WDFY1: variants seen among roughly 807,000 people sequenced by gnomAD.
The protein encoded by WDFY1 is WD repeat and FYVE domain containing 1.
WDFY1 carries 32 observed loss-of-function variants against 56.4 expected under a neutral mutation model. That is an observed-to-expected ratio of 0.57 (90% CI 0.43 to 0.76). The LOEUF (loss-of-function observed/expected upper bound fraction) is 0.76. WDFY1 is among the 30% of genes least tolerant of loss of function. The pLI, the probability that WDFY1 is intolerant of heterozygous loss-of-function variation, is 0.00. For missense variants in WDFY1, 480 were observed against 545.7 expected (o/e 0.88, Z 1.20); for synonymous variants, 192 against 197.3 (o/e 0.97, Z 0.23).
At chr2:223,904,547 C>G (rs1391964493) in intron 4 of WDFY1, among the ~76,000 whole-genome samples, 1 of 152,164 alleles carries the variant, frequency 6.6e-6, no homozygotes, top group African/African-American at 2.4e-5. Flanking sequence ...GTCACCGTGC[C>G]TGGATGCTTT....
intron 1 of WDFY1, among the ~76,000 whole-genome samples, chr2:223,937,866 T>C (rs1689225915): frequency 6.6e-6 from 1 of 152,214 alleles, no homozygotes; most frequent in Non-Finnish European, 1.5e-5. Context: ...TATTAACTAA[T>C]GAATTCCAGC....
rs1434985662 is a variant in WDFY1, at chr2:223,884,551, T to C, written c.933+97A>G. The stretch of plus-strand genomic sequence containing the variant: ...AGAAAATGTAGGAATTAATAGCATT[T>C]GCAAAAACAAAGTGTGTTTCAAAAA... On this transcript the variant is annotated intron_variant, in intron 9 of 11. Coordinates refer to ENST00000233055, the MANE Select transcript of WDFY1 (RefSeq NM_020830.5). The C allele has an allele frequency of 4.4e-6, 5 of 1,145,576 alleles. No homozygotes were observed. The South Asian group carries it at 5.1e-5, about 12-fold the overall frequency. The allele number at this position is 1,145,576 out of a possible 1,614,324, so 71.0% of individuals were successfully genotyped here.
chr2:223,921,046 G>C lies in WDFY1; in HGVS notation c.138-3036C>G, dbSNP rs542866027. On this transcript the variant is annotated intron_variant, in intron 1 of 11. Coordinates refer to ENST00000233055, the MANE Select transcript of WDFY1 (RefSeq NM_020830.5). Reference sequence around the variant, plus strand: ...GACAATCAGAATAGTGGTTGCTTCTGGGGTAAGAGGAGGACTGAATGCAAT... The same window carrying C: ...GACAATCAGAATAGTGGTTGCTTCTCGGGTAAGAGGAGGACTGAATGCAAT... 1.9e-3 allele frequency among the ~76,000 whole-genome samples: 291 copies of C among 152,234 alleles called. 1 individual carries two copies. Among genetic ancestry groups the C allele is most frequent in the African/African-American group, 6.8e-3 (281 of 41,538 alleles).
chr2:223,942,450 C>T (rs1377698470), intron 1 of WDFY1, among the ~76,000 whole-genome samples: 1 of 151,404 alleles, frequency 6.6e-6, no homozygotes, highest in Non-Finnish European at 1.5e-5. Flanking sequence ...GACCTCCTGA[C>T]CTTGTTATCC....
chr2:223,903,947 CT>C (rs1207430965), intron 4 of WDFY1, among the ~76,000 whole-genome samples: 3 of 152,142 alleles, frequency 2.0e-5, no homozygotes, highest in African/African-American at 7.2e-5. Context: ...AGGAATTTGC[CT>C]TTTGACAAAA....
chr2:223,931,426 T>C (rs1466989332), intron 1 of WDFY1, among the ~76,000 whole-genome samples: 1 of 152,246 alleles, frequency 6.6e-6, no homozygotes, highest in African/African-American at 2.4e-5. Context: ...AGATTAATCT[T>C]TGATCTGCTG....
chr2:223,902,456 T>G (rs977520060), intron 4 of WDFY1, among the ~76,000 whole-genome samples: 12 of 152,156 alleles, frequency 7.9e-5, no homozygotes, highest in Non-Finnish European at 1.8e-4. Context: ...TCCTAGCTAC[T>G]CAGCAGGCTG....
intron 1 of WDFY1, among the ~76,000 whole-genome samples, chr2:223,938,295 A>G (rs1169262345): frequency 6.6e-6 from 1 of 152,180 alleles, no homozygotes; most frequent in Non-Finnish European, 1.5e-5. Flanking sequence ...TAACTTATTT[A>G]TAAGGCTTTA....
chr2:223,897,204 C>T (rs1017881415), intron 6 of WDFY1, among the ~76,000 whole-genome samples: 1 of 151,772 alleles, frequency 6.6e-6, no homozygotes, highest in Non-Finnish European at 1.5e-5. Flanking sequence ...CTTTCAGCAA[C>T]TCCCCAGTTC....
chr2:223,929,484 A>G (rs1694040907), intron 1 of WDFY1, among the ~76,000 whole-genome samples: 1 of 151,988 alleles, frequency 6.6e-6, no homozygotes, highest in Admixed American at 6.6e-5. Context: ...CACCGTGCCC[A>G]GCCTCCTGCT....
At chr2:223,885,209 G>A (rs1412430584) in intron 8 of WDFY1, among the ~76,000 whole-genome samples, 3 of 150,878 alleles carry the variant, frequency 2.0e-5, no homozygotes, top group Non-Finnish European at 4.4e-5. Flanking sequence ...GGTCTTTTTT[G>A]AGACAGGGTC....
intron 1 of WDFY1, among the ~76,000 whole-genome samples, chr2:223,932,172 G>C (rs570165700): frequency 3.5e-5 from 5 of 144,074 alleles, no homozygotes; most frequent in African/African-American, 1.3e-4. Context: ...ACCCAGGCTG[G>C]AGTGCAGTGG....
intron 1 of WDFY1, 92 bp downstream of exon 1, chr2:223,945,056 C>T (rs1243896334): frequency 7.8e-6 from 11 of 1,414,278 alleles, no homozygotes; most frequent in Non-Finnish European, 1.0e-5. Context: ...GGGGAGCCCC[C>T]TCACGCAGGA....
chr2:223,906,285 T>C (rs1483043658), intron 3 of WDFY1, among the ~76,000 whole-genome samples: 1 of 152,110 alleles, frequency 6.6e-6, no homozygotes, highest in East Asian at 1.9e-4. Context: ...ATATTCCTTC[T>C]CCCTCCTACT....
chr2:223,941,547 G>A (rs1277933174), intron 1 of WDFY1, among the ~76,000 whole-genome samples: 1 of 152,102 alleles, frequency 6.6e-6, no homozygotes, highest in Non-Finnish European at 1.5e-5. Flanking sequence ...CCAGCCCAAA[G>A]AGCCTCCTCT....
chr2:223,939,983 T>C (rs1449003182), intron 1 of WDFY1, among the ~76,000 whole-genome samples: 5 of 152,254 alleles, frequency 3.3e-5, no homozygotes, highest in African/African-American at 1.2e-4. Context: ...CAGCTAGTTC[T>C]CACTGCTTTT....
chr2:223,944,523 G>C (rs1559179121), intron 1 of WDFY1, among the ~76,000 whole-genome samples: 2 of 151,834 alleles, frequency 1.3e-5, no homozygotes, highest in Non-Finnish European at 2.9e-5. Context: ...GCGCTGGAGG[G>C]GCGCGGTGAG....
rs1395928147 is a variant in WDFY1 at position 223,876,752 on chromosome 2, A to T, written c.*1919T>A. The stretch of plus-strand genomic sequence containing the variant: ...ATGTCAAACGGTCACATTTTACAGA[A>T]GTCAAAGGAAAACAAAACCACAGTT... On this transcript the variant is annotated 3_prime_UTR_variant, in exon 12 of 12. Transcript: ENST00000233055. 6.6e-6 allele frequency: 1 copy of T among 152,222 alleles called. No homozygotes were observed. Among genetic ancestry groups the T allele is most frequent in the Non-Finnish European group, 1.5e-5 (1 of 68,042 alleles). The allele number at this position is 152,222 out of a possible 1,614,324, so 9.4% of individuals were successfully genotyped here. A position where few individuals can be genotyped will look rare whatever the true frequency, so the allele number is the denominator to read the frequency against.
chr2:223,928,298 T>C (rs1174365644), intron 1 of WDFY1, among the ~76,000 whole-genome samples: 2 of 152,146 alleles, frequency 1.3e-5, no homozygotes, highest in Non-Finnish European at 2.9e-5. Context: ...TAAAACAAGG[T>C]ATGCTTGTAT....
Sources: gnomAD v4.1 joint callset for allele counts (sites outside exome capture counted in the v4.1 genomes callset) on GRCh38, gnomAD v4.1.1 for gene constraint, MANE v1.5 for transcripts, NCBI Gene and HGNC (gene_info 2026-07-23, HGNC 2026-07-21) for gene names.